The following EXOC4 variants were observed in gnomAD, a reference collection of about 807,000 sequenced individuals.
EXOC4 encodes SEC8-like 1.
EXOC4 carries 71 observed loss-of-function variants against 107.2 expected under a neutral mutation model. The observed-to-expected ratio is 0.66, with a 90% CI of 0.55 to 0.81. The LOEUF (loss-of-function observed/expected upper bound fraction) is 0.81. Among genes scored for constraint, EXOC4 ranks in the 30% least tolerant of loss-of-function variants. The probability of loss-of-function intolerance (pLI) is 0.00; values close to 1 mark genes in which losing one functional copy is unlikely to be tolerated. For synonymous variants in EXOC4, 456 were observed against 441.2 expected (o/e 1.03, Z -0.42); for missense variants, 1,108 against 1,189.6 (o/e 0.93, Z 1.01).
intron 9 of EXOC4, among the ~76,000 whole-genome samples, chr7:133,577,942 G>A (rs1801169162): frequency 6.6e-6 from 1 of 152,134 alleles, no homozygotes; most frequent in Admixed American, 6.6e-5. Context: ...TACCAACGCA[G>A]TCACATTATA....
intron 6 of EXOC4, among the ~76,000 whole-genome samples, chr7:133,373,145 C>T (rs923256903): frequency 2.0e-5 from 3 of 152,076 alleles, no homozygotes; most frequent in African/African-American, 7.2e-5. Flanking sequence ...ATGCCAGATA[C>T]CAGTTTTATA....
In EXOC4 at chr7:133,537,490, TC is replaced by T. The variant is rs1406184859; in HGVS notation, c.1417+57355del. On this transcript the variant is annotated intron_variant, in intron 9 of 17. Coordinates refer to ENST00000253861, the MANE Select transcript of EXOC4 (RefSeq NM_021807.4). ...CATACTATATAGTTATCTATTGTTG[TC>T]CCATACTTTATCTTTCTAAGTCCAC... Among the ~76,000 whole-genome samples, 7 of 152,278 alleles carry T rather than the reference TC, an allele frequency of 4.6e-5. No homozygotes were observed. The East Asian group carries it at 1.2e-3, about 25-fold the overall frequency.
At chr7:133,658,163 C>T (rs1445037959) in intron 10 of EXOC4, among the ~76,000 whole-genome samples, 1 of 152,056 alleles carries the variant, frequency 6.6e-6, no homozygotes, top group African/African-American at 2.4e-5. Context: ...ACAGCATGTG[C>T]CAAGGCGGTA....
At chr7:133,269,015 T>C (rs1793801921) in intron 1 of EXOC4, among the ~76,000 whole-genome samples, 1 of 152,222 alleles carries the variant, frequency 6.6e-6, no homozygotes, top group Non-Finnish European at 1.5e-5. Context: ...TAAGTCATAA[T>C]CATTTTGAGA....
At chr7:133,496,468 A>G (rs1216981957) in intron 9 of EXOC4, among the ~76,000 whole-genome samples, 7 of 152,166 alleles carry the variant, frequency 4.6e-5, no homozygotes, top group African/African-American at 1.7e-4. Flanking sequence ...CACCCAGCCA[A>G]TATAGTTTTT....
intron 11 of EXOC4, among the ~76,000 whole-genome samples, chr7:133,878,573 C>T (rs942146077): frequency 3.3e-5 from 5 of 152,182 alleles, no homozygotes; most frequent in African/African-American, 1.2e-4. Context: ...AGGCCAAGCT[C>T]GACCCCTGGA....
chr7:133,944,881 T>TAAATAAATAAATAAATAA (rs1800513382), intron 14 of EXOC4, among the ~76,000 whole-genome samples: 3 of 152,190 alleles, frequency 2.0e-5, no homozygotes, highest in Admixed American at 2.0e-4. Flanking sequence ...TATACAACCA[T>TAAATAAATAAATAAATAA]ATTAATTTCA....
At chr7:133,638,875 ATT>A (rs143533111) in intron 10 of EXOC4, among the ~76,000 whole-genome samples, 1 of 151,598 alleles carries the variant, frequency 6.6e-6, no homozygotes, top group African/African-American at 2.4e-5. Flanking sequence ...TTTATCAATT[ATT>A]TTTTTTTATT....
intron 11 of EXOC4, among the ~76,000 whole-genome samples, chr7:133,848,461 C>T (rs1283688808): frequency 6.6e-6 from 1 of 152,202 alleles, no homozygotes; most frequent in Non-Finnish European, 1.5e-5. Flanking sequence ...GAATCTTTAA[C>T]ACTAATGAAG....
At chr7:133,581,258 CA>C (rs1218466337) in intron 9 of EXOC4, among the ~76,000 whole-genome samples, 5 of 152,194 alleles carry the variant, frequency 3.3e-5, no homozygotes, top group African/African-American at 1.2e-4. Flanking sequence ...AAGAGACTGA[CA>C]TAGTCAAAGA....
intron 9 of EXOC4, among the ~76,000 whole-genome samples, chr7:133,626,096 A>G (rs1011315441): frequency 1.3e-5 from 2 of 151,992 alleles, no homozygotes; most frequent in Non-Finnish European, 2.9e-5. Context: ...AATCCCAGCT[A>G]CTCAGGAGGC....
rs114353655 is a variant in EXOC4, at chr7:133,951,157, C to T, written c.2206+13088C>T. Among the ~76,000 whole-genome samples the T allele has an allele frequency of 2.4e-3, 364 of 152,316 alleles. 5 individuals carry two copies. The highest frequency in any genetic ancestry group is 8.2e-3 in the African/African-American group (340 of 41,566). ...TGAGGAGGGGTGCTTTTCTTGAATG[C>T]TGTGCCTGGACTTTCTCTCCCTTGA... On this transcript the variant is annotated intron_variant, in intron 14 of 17. Coordinates refer to ENST00000253861, the MANE Select transcript of EXOC4 (RefSeq NM_021807.4).
At chr7:134,026,059 C>T (rs1012975647) in intron 17 of EXOC4, among the ~76,000 whole-genome samples, 17 of 152,120 alleles carry the variant, frequency 1.1e-4, no homozygotes, top group African/African-American at 3.9e-4. Context: ...GTGCAAGGAG[C>T]AGAAACTTAA....
intron 5 of EXOC4, among the ~76,000 whole-genome samples, chr7:133,343,636 G>A (rs1473488171): frequency 6.7e-6 from 1 of 149,024 alleles, no homozygotes; most frequent in African/African-American, 2.5e-5. Flanking sequence ...CTTCTCACTC[G>A]TTCATGTTTT....
chr7:133,755,777 A>G (rs572112413), intron 10 of EXOC4, among the ~76,000 whole-genome samples: 1 of 152,306 alleles, frequency 6.6e-6, no homozygotes, highest in South Asian at 2.1e-4. Flanking sequence ...TATGTGCTCA[A>G]CCACCCTGAG....
At chr7:133,676,172 T>C (rs1794053842) in intron 10 of EXOC4, among the ~76,000 whole-genome samples, 2 of 152,050 alleles carry the variant, frequency 1.3e-5, no homozygotes, top group South Asian at 4.2e-4. Flanking sequence ...CCAGGCACTG[T>C]TCTAGATACT....
In EXOC4 at chr7:133,462,956, T is replaced by C. The variant is rs1217910891; in HGVS notation, c.1183-12372T>C. Among the ~76,000 whole-genome samples the C allele has an allele frequency of 3.3e-5, 5 of 152,206 alleles. No homozygotes were observed. The East Asian group carries it at 9.7e-4, about 29-fold the overall frequency. On this transcript the variant is annotated intron_variant, in intron 7 of 17. Transcript: ENST00000253861. ...TAGAGGTTTATTTATTTTGAAGGCATGGAGGAAGCCATTGAAGGACTTGTC... is the reference window on the plus strand; with the variant it reads ...TAGAGGTTTATTTATTTTGAAGGCACGGAGGAAGCCATTGAAGGACTTGTC...
intron 17 of EXOC4, among the ~76,000 whole-genome samples, chr7:134,025,987 A>C (rs1338333309): frequency 4.6e-5 from 7 of 152,192 alleles, no homozygotes; most frequent in Non-Finnish European, 2.9e-5. Context: ...GCCTCCAGTT[A>C]TGTGCACCCA....
chr7:133,912,320 A>C (rs1019542545), intron 12 of EXOC4, among the ~76,000 whole-genome samples: 10 of 152,216 alleles, frequency 6.6e-5, no homozygotes, highest in African/African-American at 2.4e-4. Flanking sequence ...GCCACCTAGG[A>C]ATAAGTAGCG....
Sources: gnomAD v4.1 joint callset for allele counts (sites outside exome capture counted in the v4.1 genomes callset) on GRCh38, gnomAD v4.1.1 for gene constraint, MANE v1.5 for transcripts, NCBI Gene and HGNC (gene_info 2026-07-23, HGNC 2026-07-21) for gene names.